The following MTMR14 variants were observed in gnomAD, a reference collection of about 807,000 sequenced individuals.
The protein encoded by MTMR14 is phosphatidylinositol-3,5-bisphosphate 3-phosphatase MTMR14.
MTMR14 carries 48 observed loss-of-function variants against 86.3 expected under a neutral mutation model. That is an observed-to-expected ratio of 0.56 (90% CI 0.44 to 0.71). The LOEUF is 0.71. Ranked by LOEUF, MTMR14 falls within the 30% of genes least tolerant of loss-of-function variation. MTMR14 has a pLI of 0.00. For missense variants in MTMR14, 780 were observed against 834.6 expected, an observed-to-expected ratio of 0.93 and a Z score of 0.81; for synonymous variants, 366 against 326.1, an observed-to-expected ratio of 1.12 and a Z score of -1.32.
chr3:9,688,463 G>A (rs984924732), intron 14 of MTMR14, among the ~76,000 whole-genome samples: 2 of 152,182 alleles, frequency 1.3e-5, no homozygotes, highest in South Asian at 4.1e-4. Context: ...AAGCTGATGA[G>A]GAGGATGCAG....
rs771078188 is a variant in MTMR14 at position 9,660,261 on chromosome 3, CT to C, written c.309-1994del. On this transcript the variant is annotated intron_variant, in intron 2 of 18. Coordinates refer to ENST00000296003, the MANE Select transcript of MTMR14 (RefSeq NM_001077525.3). ...TTGCTGCCACCCTACGGGCACTTTG[CT>C]TTTTTTTTTTTCCCCCAGACGGAGT... 7.5e-3 allele frequency among the ~76,000 whole-genome samples: 1,087 copies of C among 144,374 alleles called. 7 individuals are homozygous for C. The highest frequency in any genetic ancestry group is 0.011 in the Middle Eastern group (3 of 278). 94.7% of individuals were successfully genotyped at this position (144,374 alleles called of 152,430 possible). A position where few individuals can be genotyped will look rare whatever the true frequency, so the allele number is the denominator to read the frequency against.
intron 17 of MTMR14, among the ~76,000 whole-genome samples, chr3:9,692,910 A>G (rs2076177262): frequency 6.6e-6 from 1 of 152,200 alleles, no homozygotes. Flanking sequence ...GGTGACAGCC[A>G]GGTCCCCTCA....
chr3:9,666,926 T>A (rs2048286230), intron 3 of MTMR14, among the ~76,000 whole-genome samples: 1 of 152,092 alleles, frequency 6.6e-6, no homozygotes, highest in Non-Finnish European at 1.5e-5. Context: ...TCAAGAGGGG[T>A]CAGCCCTCCC....
At chr3:9,694,603 G>A (rs547594958) in intron 17 of MTMR14, among the ~76,000 whole-genome samples, 19 of 152,334 alleles carry the variant, frequency 1.2e-4, no homozygotes, top group South Asian at 1.0e-3. Context: ...CGAATGCTCA[G>A]TAAACTGTAG....
chr3:9,661,149 C>A (rs549507381), intron 2 of MTMR14, among the ~76,000 whole-genome samples: 58 of 152,310 alleles, frequency 3.8e-4, no homozygotes, highest in Non-Finnish European at 8.8e-5. Flanking sequence ...GCCATATGGA[C>A]TGTGAAAGCA....
chr3:9,655,925 C>T (rs949416095), intron 2 of MTMR14, among the ~76,000 whole-genome samples: 1 of 151,870 alleles, frequency 6.6e-6, no homozygotes, highest in Non-Finnish European at 1.5e-5. Flanking sequence ...CCCATCTTGG[C>T]CGGGCGTGCT....
intron 7 of MTMR14, chr3:9,675,558 G>A (rs367926138): frequency 4.4e-6 from 2 of 456,966 alleles, no homozygotes; most frequent in Non-Finnish European, 8.8e-6. Flanking sequence ...AAAATAGATG[G>A]TCCCAAATTC....
chr3:9,670,197 C>G (rs913120987), intron 5 of MTMR14, among the ~76,000 whole-genome samples: 3 of 152,254 alleles, frequency 2.0e-5, no homozygotes, highest in African/African-American at 7.2e-5. Context: ...TAGTTAAGAT[C>G]AGCTTCCCAA....
intron 17 of MTMR14, 54 bp downstream of exon 17, chr3:9,690,197 A>C: frequency 1.3e-6 from 2 of 1,590,988 alleles, no homozygotes; most frequent in South Asian, 1.1e-5. Context: ...CCCCCTTAAT[A>C]AGACTGGAGG....
At chr3:9,676,735 T>C (rs781477925) in intron 7 of MTMR14, among the ~76,000 whole-genome samples, 4 of 152,248 alleles carry the variant, frequency 2.6e-5, no homozygotes, top group Non-Finnish European at 4.4e-5. Context: ...GAGTTACTTA[T>C]GATTTTTCCA....
chr3:9,666,780 C>T (rs1358499023), intron 3 of MTMR14, among the ~76,000 whole-genome samples: 1 of 152,100 alleles, frequency 6.6e-6, no homozygotes, highest in Non-Finnish European at 1.5e-5. Context: ...TTCCACGGAC[C>T]GTATTAGAGG....
intron 6 of MTMR14, among the ~76,000 whole-genome samples, chr3:9,671,718 G>A (rs2048575168): frequency 6.6e-6 from 1 of 152,038 alleles, no homozygotes; most frequent in South Asian, 2.1e-4. Context: ...AGTGACTGCT[G>A]TCATATAAAA....
Position 9,687,788 on chromosome 3 carries a change from TCTC to T in MTMR14, c.1165-32_1165-30del, listed in dbSNP as rs772467331. On this transcript the variant is annotated intron_variant, in intron 13 of 18. Transcript: ENST00000296003. Reference sequence around the variant, plus strand: ...CTGGGAGTTCTGCTGCCTTGGTTCTTCTCATTGTGCGCTGCTCTTTGGTCTCCT... The same window carrying T: ...CTGGGAGTTCTGCTGCCTTGGTTCTTATTGTGCGCTGCTCTTTGGTCTCCT... The T allele has an allele frequency of 5.8e-6, 9 of 1,550,960 alleles. No individual in the cohort carries two copies. The African/African-American group carries it at 1.2e-4, about 21-fold the overall frequency.
chr3:9,663,796 A>G (rs1429629545), intron 3 of MTMR14, among the ~76,000 whole-genome samples: 2 of 148,418 alleles, frequency 1.3e-5, no homozygotes, highest in Non-Finnish European at 3.0e-5. Flanking sequence ...TACAGGCGTG[A>G]GCCACCGCGC....
At chr3:9,688,005 C>A in intron 14 of MTMR14, 114 bp downstream of exon 14, 1 of 897,686 alleles carries the variant, frequency 1.1e-6, no homozygotes. Context: ...GCTTGTTGGG[C>A]TGGTGCTCCC....
chr3:9,679,936 C>A (rs1166276227), intron 9 of MTMR14, among the ~76,000 whole-genome samples: 1 of 152,154 alleles, frequency 6.6e-6, no homozygotes, highest in Non-Finnish European at 1.5e-5. Flanking sequence ...CTCACTGGGG[C>A]TCCTAGCATG....
chr3:9,695,095 CAA>C (rs1282017147), intron 17 of MTMR14, among the ~76,000 whole-genome samples: 2 of 152,178 alleles, frequency 1.3e-5, no homozygotes, highest in African/African-American at 4.8e-5. Flanking sequence ...CTGCTCAGGG[CAA>C]AAGACTTTGG....
Position 9,672,709 on chromosome 3 carries a change from C to T in MTMR14, c.702C>T (p.Asp234=), listed in dbSNP as rs767978492. The change falls in exon 7 of 19, where the codon GAC becomes GAT. Residue 234 remains aspartate (D), a synonymous_variant. Transcript: ENST00000296003. ...GMNVTSSEKV[D]KAQRYADFTL... is the part of the protein sequence containing the mutation. ...GTGTAACCTCCTCTGAGAAGGTGGA[C>T]AAAGCCCAGCGCTATGCCGACTTCA... 6.2e-7 allele frequency: 1 copy of T among 1,614,168 alleles called. No individual in the cohort carries two copies. The highest frequency in any genetic ancestry group is 8.5e-7 in the Non-Finnish European group (1 of 1,180,020).
At chr3:9,694,272 T>C (rs2076219127) in intron 17 of MTMR14, among the ~76,000 whole-genome samples, 1 of 152,196 alleles carries the variant, frequency 6.6e-6, no homozygotes, top group Admixed American at 6.5e-5. Context: ...ATCACTTCCT[T>C]TCTGAGCTCA....
Sources: gnomAD v4.1 joint callset for allele counts (sites outside exome capture counted in the v4.1 genomes callset) on GRCh38, gnomAD v4.1.1 for gene constraint, MANE v1.5 for transcripts, NCBI Gene and HGNC (gene_info 2026-07-23, HGNC 2026-07-21) for gene names.